DCT: variants seen among roughly 807,000 people sequenced by gnomAD.
DCT encodes L-dopachrome tautomerase.
In DCT, 47 loss-of-function variants were observed where a neutral mutation model predicts 53.0. The ratio of observed to expected loss-of-function variants is 0.89; its 90% CI spans 0.70 to 1.13. The LOEUF (loss-of-function observed/expected upper bound fraction) is 1.13. Among genes scored for constraint, DCT ranks in the 50% most tolerant of loss-of-function variants. DCT has a pLI of 0.00. For missense variants in DCT, 669 were observed against 637.4 expected (o/e 1.05, Z -0.53); for synonymous variants, 244 against 237.0 (o/e 1.03, Z -0.27).
At chr13:94,526,319 T>A in the DCT span, among the ~76,000 whole-genome samples, 18 of 152,320 alleles carry the variant, frequency 1.2e-4, no homozygotes, top group East Asian at 3.3e-3. Context: ...ATTAAAGACA[T>A]TAAAAATCCA....
chr13:94,497,796 C>T, the DCT span, among the ~76,000 whole-genome samples: 2 of 151,686 alleles, frequency 1.3e-5, no homozygotes, highest in African/African-American at 2.4e-5. Context: ...AGGCATGCTC[C>T]ATGTAACTTT....
the DCT span, among the ~76,000 whole-genome samples, chr13:94,549,342 C>T: frequency 6.6e-6 from 1 of 152,236 alleles, no homozygotes; most frequent in East Asian, 1.9e-4. Flanking sequence ...CCCCAGGCGG[C>T]GCGCGGCCCC....
the DCT span, among the ~76,000 whole-genome samples, chr13:94,514,179 G>A: frequency 2.0e-5 from 3 of 151,970 alleles, no homozygotes; most frequent in Non-Finnish European, 4.4e-5. Context: ...CTACTGTGCC[G>A]GGAACATCAC....
chr13:94,485,663 G>A, the DCT span, among the ~76,000 whole-genome samples: 22,223 of 152,036 alleles, frequency 0.15, 1,959 homozygotes, highest in Non-Finnish European at 0.2. Flanking sequence ...TTTCTCTCAC[G>A]GAAACACCCA....
chr13:94,512,341 G>T, the DCT span, among the ~76,000 whole-genome samples: 7 of 152,162 alleles, frequency 4.6e-5, no homozygotes, highest in Non-Finnish European at 1.5e-5. Flanking sequence ...CTAAGAAGCA[G>T]ATTCTCTAAT....
chr13:94,445,720 A>G, intron 6 of DCT: 1 of 1,584,754 alleles, frequency 6.3e-7, no homozygotes, highest in Non-Finnish European at 8.6e-7. Flanking sequence ...CATGGTTACC[A>G]GCACATGCAG....
Position 94,479,065 on chromosome 13 carries a change from A to G in DCT, c.191T>C (p.Val64Ala). The change falls in exon 1 of 8, where the codon GTG (valine) becomes GCG (alanine). Residue 64 changes from valine to alanine, a missense_variant. Transcript: ENST00000377028. Reference protein sequence around the residue: ...SQQGRGQCTEVRADTRPWSGP... With the variant: ...SQQGRGQCTEARADTRPWSGP... ...ACTCCAGGGCCTTGTGTCGGCTCGC[A>G]CCTCTGTGCACTGCCCCCGGCCTTG... The G allele has an allele frequency of 6.2e-7, 1 of 1,614,106 alleles. No individual in the cohort carries two copies.
chr13:94,478,157 GC>G (rs1186808775), intron 1 of DCT, among the ~76,000 whole-genome samples: 79 of 61,068 alleles, frequency 1.3e-3, no homozygotes, highest in Admixed American at 2.0e-3. Flanking sequence ...CCCCCCGCCC[GC>G]CCCCCCCACC....
Position 94,479,218 on chromosome 13 carries a change from A to G in DCT, c.38T>C (p.Leu13Ser). ...GGCTCCTGGCAGGATTTTGCAGCCC[A>G]AGCAACTGAGCAGAAACCCCCACCA... ...PLWWGFLLSC[L>S]GCKILPGAQG... Residue 13 changes from leucine to serine, a missense_variant, in exon 1 of 8, where the codon TTG becomes TCG. Physicochemically the swap from Leu to Ser is moderately radical, Grantham distance 145. Coordinates refer to ENST00000377028, the MANE Select transcript of DCT (RefSeq NM_001922.5). The G allele has an allele frequency of 6.2e-7, 1 of 1,604,704 alleles. No homozygotes were observed. The highest frequency in any genetic ancestry group is 8.5e-7 in the Non-Finnish European group (1 of 1,172,422).
upstream of DCT, among the ~76,000 whole-genome samples, chr13:94,482,455 A>AGGCC (rs1885485725): frequency 6.6e-6 from 1 of 152,150 alleles, no homozygotes; most frequent in South Asian, 2.1e-4. Flanking sequence ...CTTCCATGAT[A>AGGCC]TTTTAACACG....
At chr13:94,540,497 G>A in the DCT span, among the ~76,000 whole-genome samples, 3 of 152,198 alleles carry the variant, frequency 2.0e-5, no homozygotes, top group African/African-American at 7.2e-5. Flanking sequence ...ATGGGCAAAA[G>A]ATGTGAATAG....
chr13:94,461,060 A>G (rs547443840), intron 5 of DCT, among the ~76,000 whole-genome samples: 4 of 152,200 alleles, frequency 2.6e-5, no homozygotes, highest in African/African-American at 7.2e-5. Context: ...AGGTGGGGGA[A>G]GGGTAACATT....
In DCT at chr13:94,456,124, G is replaced by A. The variant is rs60693684; in HGVS notation, c.1179+3967C>T. On this transcript the variant is annotated intron_variant, in intron 6 of 7. Coordinates refer to ENST00000377028, the MANE Select transcript of DCT (RefSeq NM_001922.5). The stretch of plus-strand genomic sequence containing the variant: ...GAAAAGCAAAGATCGCTGTGGCGGC[G>A]TCACAGATAAGCCCCCACCTTGTTA... Among the ~76,000 whole-genome samples, 792 of 152,324 alleles carry A rather than the reference G, an allele frequency of 5.2e-3. 4 individuals are homozygous for A. Among genetic ancestry groups the A allele is most frequent in the African/African-American group, 0.018 (753 of 41,558 alleles).
the DCT span, among the ~76,000 whole-genome samples, chr13:94,518,929 A>G: frequency 6.6e-6 from 1 of 152,188 alleles, no homozygotes; most frequent in South Asian, 2.1e-4. Flanking sequence ...TGCTGGCCTT[A>G]TCTCAATTCT....
At chr13:94,516,529 C>T in the DCT span, among the ~76,000 whole-genome samples, 39 of 152,174 alleles carry the variant, frequency 2.6e-4, no homozygotes, top group African/African-American at 8.7e-4. Flanking sequence ...ATATTTGTCC[C>T]ATCCAAAACT....
chr13:94,500,708 T>C, the DCT span, among the ~76,000 whole-genome samples: 8 of 152,192 alleles, frequency 5.3e-5, no homozygotes, highest in Admixed American at 3.9e-4. Flanking sequence ...TAATATCCCA[T>C]TGTGTACCAC....
At chr13:94,503,263 C>T in the DCT span, among the ~76,000 whole-genome samples, 2 of 151,742 alleles carry the variant, frequency 1.3e-5, no homozygotes, top group Admixed American at 1.3e-4. Context: ...GCCTGTAGTC[C>T]CAGCTACTCA....
intron 6 of DCT, among the ~76,000 whole-genome samples, chr13:94,449,259 T>C (rs1197828940): frequency 2.6e-5 from 4 of 152,220 alleles, no homozygotes; most frequent in African/African-American, 9.6e-5. Flanking sequence ...GTGTGCATTA[T>C]TTTTTCAAGA....
the DCT span, among the ~76,000 whole-genome samples, chr13:94,525,264 C>G: frequency 2.6e-4 from 39 of 152,188 alleles, no homozygotes; most frequent in African/African-American, 9.4e-4. Context: ...CCATACCTAG[C>G]TAATTTTTGG....
Sources: allele counts gnomAD v4.1 joint callset (sites outside exome capture counted in the v4.1 genomes callset), GRCh38; gene constraint gnomAD v4.1.1; transcripts MANE v1.5; gene names NCBI Gene and HGNC (gene_info 2026-07-23, HGNC 2026-07-21).